ADAMTSL1: variants seen among roughly 807,000 people sequenced by gnomAD.
ADAMTSL1 encodes ADAMTS like 1, also known as ADAMTS-like protein 1.
ADAMTSL1 carries 126 observed loss-of-function variants against 201.8 expected under a neutral mutation model. The observed-to-expected ratio is 0.62, with a 90% CI of 0.54 to 0.72. The LOEUF (loss-of-function observed/expected upper bound fraction) is 0.72. ADAMTSL1 is among the 30% of genes least tolerant of loss of function. ADAMTSL1 has a pLI of 0.00. For synonymous variants in ADAMTSL1, 1,121 were observed against 903.4 expected (o/e 1.24, Z -4.32); for missense variants, 2,679 against 2,277.8 (o/e 1.18, Z -3.59).
intron 2 of ADAMTSL1, among the ~76,000 whole-genome samples, chr9:18,307,619 G>C (rs1295489389): frequency 2.0e-5 from 3 of 152,132 alleles, no homozygotes; most frequent in African/African-American, 7.2e-5. Context: ...TAATGGTAAA[G>C]GGATCAATTC....
In ADAMTSL1 at chr9:18,848,714, A is replaced by G. The variant is rs371184694; in HGVS notation, c.4249+18737A>G. On this transcript the variant is annotated intron_variant, in intron 23 of 28. Coordinates refer to ENST00000380548, the MANE Select transcript of ADAMTSL1 (RefSeq NM_001040272.6). Reference sequence around the variant, plus strand: ...CCAGAGTTGGGCAAACATTTTCTGTAAAGTGCCAGATAGGAAATAGTTTAG... The same window carrying G: ...CCAGAGTTGGGCAAACATTTTCTGTGAAGTGCCAGATAGGAAATAGTTTAG... Among the ~76,000 whole-genome samples, 225 of 152,342 alleles carry G rather than the reference A, an allele frequency of 1.5e-3. 6 individuals are homozygous for G. The South Asian group carries it at 0.045, about 30-fold the overall frequency.
At chr9:17,947,957 AG>A (rs1340209456) in intron 1 of ADAMTSL1, among the ~76,000 whole-genome samples, 1 of 152,176 alleles carries the variant, frequency 6.6e-6, no homozygotes, top group African/African-American at 2.4e-5. Flanking sequence ...CAATTTTTGA[AG>A]CAGACATTGA....
chr9:18,905,754 C>A lies in ADAMTSL1; in HGVS notation c.4852-28C>A, dbSNP rs372066452. On this transcript the variant is annotated intron_variant, in intron 26 of 28. Transcript: ENST00000380548. ...CTCCACCCTTGACTTGGCTAATGTG[C>A]GGTATGTTACCTTTTTCTGCTTTCC... is the stretch of plus-strand genomic sequence containing the variant. The A allele has an allele frequency of 3.8e-6, 6 of 1,581,574 alleles. No homozygotes were observed. In the African/African-American group the frequency reaches 5.4e-5, roughly 14 times the overall value.
rs1472204460 is a variant in ADAMTSL1 at position 18,081,809 on chromosome 9, C to T, written c.88-82053C>T. Among the ~76,000 whole-genome samples, 8 of 152,152 alleles carry T rather than the reference C, an allele frequency of 5.3e-5. No homozygotes were observed. In the South Asian group the frequency reaches 1.0e-3, roughly 20 times the overall value. On this transcript the variant is annotated intron_variant, in intron 1 of 29. Transcript: ENST00000680146. ...AGATTATTAAACAAGAATATGTAAG[C>T]GTATCTGCATTGTTTTAAACAATTG...
At chr9:18,199,172 G>A (rs1256095480) in intron 2 of ADAMTSL1, among the ~76,000 whole-genome samples, 1 of 151,668 alleles carries the variant, frequency 6.6e-6, no homozygotes, top group African/African-American at 2.4e-5. Flanking sequence ...TGACGAGTTA[G>A]TGGGTGCAGT....
chr9:18,684,341 A>G (rs900591743), intron 12 of ADAMTSL1, among the ~76,000 whole-genome samples: 4 of 152,352 alleles, frequency 2.6e-5, no homozygotes, highest in South Asian at 2.1e-4. Context: ...TCACAATATA[A>G]TTGACTGTAC....
chr9:17,950,596 T>A (rs1827697504), intron 1 of ADAMTSL1, among the ~76,000 whole-genome samples: 1 of 151,922 alleles, frequency 6.6e-6, no homozygotes, highest in Non-Finnish European at 1.5e-5. Context: ...CACTATACTT[T>A]TATGATCTCT....
intron 2 of ADAMTSL1, among the ~76,000 whole-genome samples, chr9:18,247,491 A>G (rs1037991279): frequency 6.6e-6 from 1 of 152,218 alleles, no homozygotes; most frequent in Non-Finnish European, 1.5e-5. Context: ...GGGTACTGAG[A>G]AAAGAAATAA....
chr9:18,096,003 C>T (rs748904451), intron 1 of ADAMTSL1, among the ~76,000 whole-genome samples: 1 of 152,136 alleles, frequency 6.6e-6, no homozygotes, highest in African/African-American at 2.4e-5. Context: ...TATTGTAACT[C>T]TTTCCTTCAT....
intron 4 of ADAMTSL1, among the ~76,000 whole-genome samples, chr9:18,608,298 A>T (rs1392050534): frequency 6.6e-6 from 1 of 152,194 alleles, no homozygotes; most frequent in African/African-American, 2.4e-5. Flanking sequence ...AAATTTCTGA[A>T]CTTAAATATT....
chr9:18,414,582 C>G (rs569678015), intron 2 of ADAMTSL1, among the ~76,000 whole-genome samples: 1 of 152,208 alleles, frequency 6.6e-6, no homozygotes, highest in African/African-American at 2.4e-5. Context: ...TTAGGTAAGT[C>G]CTGCAATTGC....
At chr9:17,949,265 G>A (rs1026207665) in intron 1 of ADAMTSL1, among the ~76,000 whole-genome samples, 49 of 152,170 alleles carry the variant, frequency 3.2e-4, no homozygotes, top group African/African-American at 1.1e-3. Flanking sequence ...AGAAGTGAGG[G>A]AGGTAGTCTC....
chr9:18,485,315 A>T (rs1821932957), intron 1 of ADAMTSL1, among the ~76,000 whole-genome samples: 1 of 152,192 alleles, frequency 6.6e-6, no homozygotes, highest in South Asian at 2.1e-4. Context: ...AAATAACTAA[A>T]CACATTTAGC....
At chr9:18,018,589 G>T (rs554696292) in intron 1 of ADAMTSL1, among the ~76,000 whole-genome samples, 13 of 152,126 alleles carry the variant, frequency 8.5e-5, no homozygotes, top group African/African-American at 2.6e-4. Context: ...GCAACTTAGA[G>T]ATGCCCGTGT....
intron 1 of ADAMTSL1, among the ~76,000 whole-genome samples, chr9:18,118,376 C>T (rs1825350053): frequency 6.6e-6 from 1 of 152,182 alleles, no homozygotes. Flanking sequence ...GTCCTTGAAG[C>T]TACCAGTATC....
intron 2 of ADAMTSL1, among the ~76,000 whole-genome samples, chr9:18,180,274 C>T (rs1828396903): frequency 6.6e-6 from 1 of 152,178 alleles, no homozygotes; most frequent in South Asian, 2.1e-4. Context: ...TGGCTCACGC[C>T]TGTAATCCCA....
chr9:18,438,790 G>A (rs1166463458), intron 2 of ADAMTSL1, among the ~76,000 whole-genome samples: 1 of 152,064 alleles, frequency 6.6e-6, no homozygotes, highest in African/African-American at 2.4e-5. Context: ...TGCACACGCC[G>A]GGCAGCCCCT....
intron 1 of ADAMTSL1, among the ~76,000 whole-genome samples, chr9:18,499,845 A>G (rs923745798): frequency 1.3e-5 from 2 of 152,130 alleles, no homozygotes; most frequent in African/African-American, 4.8e-5. Flanking sequence ...TATGACTTCA[A>G]TTTTACAAAA....
At chr9:18,722,162 C>T (rs527477215) in intron 15 of ADAMTSL1, among the ~76,000 whole-genome samples, 53 of 152,246 alleles carry the variant, frequency 3.5e-4, no homozygotes, top group Non-Finnish European at 6.3e-4. Context: ...ATTCCACATG[C>T]GTAAAATCAA....
Sources: gnomAD v4.1 joint callset for allele counts (sites outside exome capture counted in the v4.1 genomes callset) on GRCh38, gnomAD v4.1.1 for gene constraint, MANE v1.5 for transcripts, NCBI Gene and HGNC (gene_info 2026-07-23, HGNC 2026-07-21) for gene names.